JAKMIP3: variants seen among roughly 807,000 people sequenced by gnomAD.
JAKMIP3 encodes janus kinase and microtubule-interacting protein 3.
Under a neutral mutation model 118.5 loss-of-function variants are expected in JAKMIP3, and 58 were observed. That is an observed-to-expected ratio of 0.49 (90% CI 0.40 to 0.61). JAKMIP3 has a LOEUF of 0.61. Ranked by LOEUF, JAKMIP3 falls within the 20% of genes least tolerant of loss-of-function variation. The probability of loss-of-function intolerance (pLI) is 0.00; values close to 1 mark genes in which losing one functional copy is unlikely to be tolerated. For missense variants in JAKMIP3, 950 were observed against 1,109.0 expected (o/e 0.86, Z 2.04); for synonymous variants, 486 against 451.2 (o/e 1.08, Z -0.98).
intron 1 of JAKMIP3, among the ~76,000 whole-genome samples, chr10:132,092,595 C>T (rs535812766): frequency 9.9e-5 from 15 of 152,278 alleles, no homozygotes; most frequent in African/African-American, 2.4e-4. Flanking sequence ...ACGTAGTTCT[C>T]GTGCCATGTT....
chr10:132,039,784 G>A (rs7084312), intron 1 of JAKMIP3, among the ~76,000 whole-genome samples: 19,524 of 152,218 alleles, frequency 0.13, 1,345 homozygotes, highest in Middle Eastern at 0.16. Context: ...GCCTCCAGCC[G>A]CTGTATTGAC....
intron 3 of JAKMIP3, among the ~76,000 whole-genome samples, chr10:132,120,292 C>G (rs908452595): frequency 2.0e-5 from 3 of 152,236 alleles, no homozygotes; most frequent in African/African-American, 7.2e-5. Flanking sequence ...TCCAGGAACT[C>G]TGGGTCTGCT....
chr10:132,139,195 TATGA>T (rs1214443479), intron 9 of JAKMIP3, among the ~76,000 whole-genome samples: 2 of 79,902 alleles, frequency 2.5e-5, no homozygotes, highest in Admixed American at 1.2e-4. Flanking sequence ...TATGTGTGTG[TATGA>T]GTGTGTGTGT....
intron 1 of JAKMIP3, among the ~76,000 whole-genome samples, chr10:132,046,092 TCC>T (rs1245426551): frequency 6.6e-6 from 1 of 152,162 alleles, no homozygotes. Context: ...CCTAGAAGGT[TCC>T]TGACACCCCC....
intron 15 of JAKMIP3, 44 bp downstream of exon 15, chr10:132,149,554 TCCCCCGCCCCA>T (rs2055424124): frequency 3.8e-6 from 2 of 530,840 alleles, no homozygotes; most frequent in Non-Finnish European, 5.1e-6. Flanking sequence ...ACCTCACCCA[TCCCCCGCCCCA>T]CCCCCTCTCC....
chr10:132,074,477 TTGTC>T (rs1219312515), intron 1 of JAKMIP3, among the ~76,000 whole-genome samples: 1 of 152,242 alleles, frequency 6.6e-6, no homozygotes, highest in Admixed American at 6.5e-5. Context: ...TATTGGCAGT[TTGTC>T]TGTCTTTTGA....
intron 1 of JAKMIP3, among the ~76,000 whole-genome samples, chr10:132,075,505 G>A (rs1272275281): frequency 6.7e-6 from 1 of 148,552 alleles, no homozygotes; most frequent in Non-Finnish European, 1.5e-5. Context: ...TGCCTCCCAG[G>A]TTCAGGTGAT....
At chr10:132,082,997 G>A (rs1035404926) in intron 1 of JAKMIP3, among the ~76,000 whole-genome samples, 26 of 152,318 alleles carry the variant, frequency 1.7e-4, no homozygotes, top group Admixed American at 1.4e-3. Flanking sequence ...TGCTATAAAC[G>A]TGCATGTGCA....
upstream of JAKMIP3, among the ~76,000 whole-genome samples, chr10:132,065,034 G>A (rs567006654): frequency 3.3e-5 from 5 of 152,278 alleles, no homozygotes; most frequent in East Asian, 3.9e-4. This position sits in a 1 kb window ranked among gnomAD's most constrained non-coding sequence, Gnocchi z 5.6. Flanking sequence ...GAACCTGGGC[G>A]TGCAGGCCTG....
intron 6 of JAKMIP3, 70 bp from the exon 7 acceptor site, chr10:132,136,949 C>A (rs1053252804): frequency 2.0e-6 from 3 of 1,538,286 alleles, no homozygotes; most frequent in East Asian, 2.3e-5. Context: ...AAGACCCCCC[C>A]GCCGACCCAC....
intron 1 of JAKMIP3, among the ~76,000 whole-genome samples, chr10:132,042,184 C>T (rs4880307): frequency 0.023 from 3,088 of 132,120 alleles, 98 homozygotes; most frequent in African/African-American, 0.078. Flanking sequence ...TGCTCGCTCG[C>T]TCCTTCCTTC....
At chr10:132,150,977 C>G (rs1392615283) in intron 16 of JAKMIP3, among the ~76,000 whole-genome samples, 2 of 151,928 alleles carry the variant, frequency 1.3e-5, no homozygotes, top group Admixed American at 6.6e-5. Context: ...CATCCCTAAT[C>G]CATTCATTCT....
At chr10:132,150,107 G>A (rs2055798532) in intron 16 of JAKMIP3, 66 bp downstream of exon 16, 3 of 1,354,164 alleles carry the variant, frequency 2.2e-6, no homozygotes, top group African/African-American at 2.9e-5. Context: ...CCCCTCTGGG[G>A]TCCAGGAGGC....
chr10:132,055,310 T>A (rs1042368223), intron 1 of JAKMIP3, among the ~76,000 whole-genome samples: 5 of 152,170 alleles, frequency 3.3e-5, no homozygotes, highest in African/African-American at 1.2e-4. Context: ...ATTGTCCAAG[T>A]ATCAATGACA....
rs761132252 is a variant in JAKMIP3, at chr10:132,044,695, A to G, written c.-138+7957A>G. Among the ~76,000 whole-genome samples the G allele has an allele frequency of 1.3e-5, 2 of 152,146 alleles. No individual in the cohort carries two copies. Among genetic ancestry groups the G allele is most frequent in the Non-Finnish European group, 2.9e-5 (2 of 68,028 alleles). Reference sequence around the variant, plus strand: ...TAAATTGTGGCGAAATACACATACAAGTCACCATCTGAACCATTTTTAGGT... The same window carrying G: ...TAAATTGTGGCGAAATACACATACAGGTCACCATCTGAACCATTTTTAGGT... On this transcript the variant is annotated intron_variant, in intron 1 of 23. Coordinates refer to the JAKMIP3 transcript ENST00000657785. The surrounding 1 kb of genome is among the most constrained non-coding windows in gnomAD (Gnocchi z 5.3).
rs1029094173 is a variant in JAKMIP3 at position 132,117,284 on chromosome 10, C to A, written c.343C>A (p.Arg115=). Residue 115 remains arginine, a synonymous_variant, in exon 3 of 24, where the codon CGG becomes AGG. Transcript: ENST00000684848. This position sits in a 1 kb window ranked among gnomAD's most constrained non-coding sequence, Gnocchi z 8.6. ...CAAGATCAAGGACAACGAGAACCAGCGGCTGCAGGCACTGCTCAGTGCCCT... is the reference window on the plus strand; with the variant it reads ...CAAGATCAAGGACAACGAGAACCAGAGGCTGCAGGCACTGCTCAGTGCCCT... ...VIKIKDNENQ[R]LQALLSALRD... is the part of the protein sequence containing the mutation. 1.2e-6 allele frequency: 2 copies of A among 1,613,808 alleles called. No homozygotes were observed. Among genetic ancestry groups the A allele is most frequent in the South Asian group, 1.1e-5 (1 of 91,078 alleles).
intron 1 of JAKMIP3, among the ~76,000 whole-genome samples, chr10:132,046,957 C>A (rs2037935396): frequency 6.6e-6 from 1 of 152,190 alleles, no homozygotes; most frequent in Non-Finnish European, 1.5e-5. Context: ...AATCAGAGCT[C>A]ATTGCAACCT....
Position 132,183,555 on chromosome 10 carries a change from C to G in JAKMIP3, c.*2302C>G, listed in dbSNP as rs769690523. ...CAAAGAGAAGCATGTAAATATGTAC[C>G]AAATCCTTATGAAGTTGTAATTGTT... On this transcript the variant is annotated 3_prime_UTR_variant, in exon 24 of 24. Transcript: ENST00000684848. 3 of 152,136 alleles carry G rather than the reference C, an allele frequency of 2.0e-5. No individual in the cohort carries two copies. The highest frequency in any genetic ancestry group is 6.5e-5 in the Admixed American group (1 of 15,272). 9.4% of individuals were successfully genotyped at this position (152,136 alleles called of 1,614,324 possible).
At chr10:132,040,938 G>A (rs749094991) in intron 1 of JAKMIP3, among the ~76,000 whole-genome samples, 9 of 152,162 alleles carry the variant, frequency 5.9e-5, no homozygotes, top group Admixed American at 1.3e-4. Flanking sequence ...TGCAGTACTC[G>A]ATTTTCTGTG....
Sources: allele counts gnomAD v4.1 joint callset (sites outside exome capture counted in the v4.1 genomes callset), GRCh38; gene constraint gnomAD v4.1.1; non-coding constraint Gnocchi (gnomAD v3.1); transcripts MANE v1.5; gene names NCBI Gene and HGNC (gene_info 2026-07-23, HGNC 2026-07-21).